C19orf47: variants seen among roughly 807,000 people sequenced by gnomAD.
C19orf47 encodes the protein chromosome 19 open reading frame 47.
Under a neutral mutation model 32.3 loss-of-function variants are expected in C19orf47, and 18 were observed. That is an observed-to-expected ratio of 0.56 (90% CI 0.39 to 0.83). C19orf47 has a LOEUF of 0.83. Among genes scored for constraint, C19orf47 ranks in the 40% least tolerant of loss-of-function variants. C19orf47 has a pLI of 0.00. For synonymous variants in C19orf47, 202 were observed against 211.1 expected (o/e 0.96, Z 0.37); for missense variants, 484 against 531.6 (o/e 0.91, Z 0.88).
In C19orf47 at chr19:40,336,233, A is replaced by G. The variant is rs2078062568; in HGVS notation, c.108-9T>C. The G allele has an allele frequency of 1.2e-6, 2 of 1,614,016 alleles. No homozygotes were observed. The highest frequency in any genetic ancestry group is 1.3e-5 in the African/African-American group (1 of 74,934). On this transcript the variant is annotated splice_polypyrimidine_tract_variant and intron_variant, in intron 3 of 8. Coordinates refer to ENST00000683109, the MANE Select transcript of C19orf47 (RefSeq NM_001256441.2). ...GCATGCTCTTCTGAATCCTGCAGGGAAAGGTCAGTGGTGAGGCCCCAGGTG... is the reference window on the plus strand; with the variant it reads ...GCATGCTCTTCTGAATCCTGCAGGGGAAGGTCAGTGGTGAGGCCCCAGGTG...
intron 6 of C19orf47, 71 bp from the exon 7 acceptor site, chr19:40,326,557 T>C (rs1434192189): frequency 6.6e-7 from 1 of 1,520,846 alleles, no homozygotes; most frequent in Non-Finnish European, 8.9e-7. Flanking sequence ...AGCTGGACAC[T>C]AGGTGTCCTT....
chr19:40,341,016 T>C (rs551128183), intron 2 of C19orf47, among the ~76,000 whole-genome samples: 4 of 148,340 alleles, frequency 2.7e-5, no homozygotes, highest in Non-Finnish European at 4.5e-5. Context: ...ATTTTGCTTT[T>C]TAATCACTCT....
At chr19:40,307,051 A>C in the C19orf47 span, among the ~76,000 whole-genome samples, 14 of 148,712 alleles carry the variant, frequency 9.4e-5, no homozygotes, top group Non-Finnish European at 1.8e-4. Flanking sequence ...GGCCTCCCAA[A>C]GTGTTGGGAT....
chr19:40,313,459 G>T, the C19orf47 span, among the ~76,000 whole-genome samples: 1 of 152,052 alleles, frequency 6.6e-6, no homozygotes, highest in African/African-American at 2.4e-5. Context: ...CAAGCAGCTG[G>T]GACTACAGCC....
chr19:40,321,817 G>A lies in C19orf47; in HGVS notation c.*65C>T, dbSNP rs922384046. 9.7e-5 allele frequency: 141 copies of A among 1,457,948 alleles called. No individual in the cohort carries two copies. In the East Asian group the frequency reaches 3.4e-3, roughly 35 times the overall value. The allele number at this position is 1,457,948 out of a possible 1,614,324, so 90.3% of individuals were successfully genotyped here. ...GCTGGTGGGAGGCGTGATGAAGCCA[G>A]GAGCCTGGGGCGGCCAGGGCAGATG... On this transcript the variant is annotated 3_prime_UTR_variant, in exon 9 of 9. Coordinates refer to ENST00000683109, the MANE Select transcript of C19orf47 (RefSeq NM_001256441.2).
At chr19:40,341,113 C>G (rs1390192982) in intron 2 of C19orf47, among the ~76,000 whole-genome samples, 1 of 152,016 alleles carries the variant, frequency 6.6e-6, no homozygotes, top group Non-Finnish European at 1.5e-5. Context: ...GAGGGAAGAT[C>G]ACCTGAGGTC....
At chr19:40,301,940 A>C in the C19orf47 span, among the ~76,000 whole-genome samples, 1 of 151,956 alleles carries the variant, frequency 6.6e-6, no homozygotes, top group East Asian at 2.0e-4. Context: ...CAGGTGGATC[A>C]CTTGAGGTCA....
At chr19:40,305,125 C>G in the C19orf47 span, among the ~76,000 whole-genome samples, 1 of 152,026 alleles carries the variant, frequency 6.6e-6, no homozygotes, top group African/African-American at 2.4e-5. Context: ...AGCGGATCAC[C>G]TGAGATCAGG....
intron 5 of C19orf47, among the ~76,000 whole-genome samples, chr19:40,332,350 C>T (rs2077970866): frequency 1.3e-5 from 2 of 149,464 alleles, no homozygotes; most frequent in Admixed American, 6.7e-5. Context: ...GCGAGACTAT[C>T]TCAAGGGAAA....
the C19orf47 span, among the ~76,000 whole-genome samples, chr19:40,303,774 A>G: frequency 7.1e-6 from 1 of 140,768 alleles, no homozygotes; most frequent in East Asian, 2.2e-4. Flanking sequence ...ACTGCACTTC[A>G]GCCTGGGCGA....
intron 5 of C19orf47, among the ~76,000 whole-genome samples, chr19:40,330,318 T>A (rs1165790845): frequency 1.3e-5 from 2 of 151,552 alleles, no homozygotes; most frequent in African/African-American, 2.4e-5. Context: ...AAGCTCTGCC[T>A]CCCAGGTTCA....
intron 7 of C19orf47, 85 bp downstream of exon 7, chr19:40,326,249 C>T (rs1262863968): frequency 8.4e-6 from 13 of 1,547,100 alleles, no homozygotes; most frequent in South Asian, 4.9e-5. Context: ...TCTCAGCCAC[C>T]GTCTGTAGGA....
At chr19:40,339,107 T>G (rs1454112677) in intron 2 of C19orf47, 1 of 153,036 alleles carries the variant, frequency 6.5e-6, no homozygotes, top group African/African-American at 2.4e-5. Context: ...AACAAAGAAA[T>G]CTGTAACTGG....
Position 40,322,428 on chromosome 19 carries a change from T to C in C19orf47, c.664-52A>G, listed in dbSNP as rs780426813. 6 of 1,503,526 alleles carry C rather than the reference T, an allele frequency of 4.0e-6. No homozygotes were observed. The South Asian group carries it at 4.0e-5, about 10-fold the overall frequency. 93.1% of individuals were successfully genotyped at this position (1,503,526 alleles called of 1,614,324 possible). On this transcript the variant is annotated intron_variant, in intron 8 of 8. Transcript: ENST00000683109. ...GAGTCACTGAGTCACTCAACACACA[T>C]TCATGGAGAGCTGCTTCCTCTGTGC...
the C19orf47 span, among the ~76,000 whole-genome samples, chr19:40,300,362 G>A: frequency 6.6e-6 from 1 of 151,664 alleles, no homozygotes; most frequent in Non-Finnish European, 1.5e-5. Context: ...CTACTTGGGA[G>A]GGTGAGGCAG....
chr19:40,326,555 A>G (rs2077834995), intron 6 of C19orf47, 69 bp from the exon 7 acceptor site: 20 of 1,546,080 alleles, frequency 1.3e-5, no homozygotes, highest in Admixed American at 1.8e-5. Flanking sequence ...GAAGCTGGAC[A>G]CTAGGTGTCC....
At chr19:40,322,683 G>A (rs1433606941) in intron 8 of C19orf47, among the ~76,000 whole-genome samples, 1 of 152,222 alleles carries the variant, frequency 6.6e-6, no homozygotes, top group African/African-American at 2.4e-5. Flanking sequence ...TCATTTGCAA[G>A]GTCAATAGGT....
chr19:40,335,230 C>A (rs2078038989), intron 4 of C19orf47, among the ~76,000 whole-genome samples: 1 of 152,106 alleles, frequency 6.6e-6, no homozygotes, highest in South Asian at 2.1e-4. Flanking sequence ...GTGTGAGAAG[C>A]CCATTTCAAA....
At chr19:40,296,352 C>T in the C19orf47 span, among the ~76,000 whole-genome samples, 1 of 152,112 alleles carries the variant, frequency 6.6e-6, no homozygotes, top group African/African-American at 2.4e-5. Flanking sequence ...ACCATCTTGG[C>T]TCACTGCGAC....
Sources: allele counts gnomAD v4.1 joint callset (sites outside exome capture counted in the v4.1 genomes callset), GRCh38; gene constraint gnomAD v4.1.1; transcripts MANE v1.5; gene names NCBI Gene and HGNC (gene_info 2026-07-23, HGNC 2026-07-21).